GAP43: variants seen among roughly 807,000 people sequenced by gnomAD.
The protein encoded by GAP43 is growth associated protein 43, also known as neuromodulin.
Under a neutral mutation model 18.6 loss-of-function variants are expected in GAP43, and 6 were observed. That is an observed-to-expected ratio of 0.32 (90% CI 0.18 to 0.64). The LOEUF (loss-of-function observed/expected upper bound fraction) is 0.64, where lower values mean the gene tolerates loss of function less well. Ranked by LOEUF, GAP43 falls within the 30% of genes least tolerant of loss-of-function variation. The pLI, the probability that GAP43 is intolerant of heterozygous loss-of-function variation, is 0.78. For missense variants in GAP43, 292 were observed against 295.5 expected (o/e 0.99, Z 0.09); for synonymous variants, 115 against 111.4 (o/e 1.03, Z -0.20).
intron 1 of GAP43, among the ~76,000 whole-genome samples, chr3:115,625,681 A>G (rs2107462252): frequency 6.6e-6 from 1 of 152,330 alleles, no homozygotes; most frequent in East Asian, 1.9e-4. Flanking sequence ...TTAGGGCTAA[A>G]GGAATTCCCT....
chr3:115,666,116 C>T (rs1291380785), intron 1 of GAP43, among the ~76,000 whole-genome samples: 1 of 151,850 alleles, frequency 6.6e-6, no homozygotes, highest in East Asian at 1.9e-4. Flanking sequence ...TAAGCTCCTA[C>T]ACTAGGTGAA....
At chr3:115,659,725 T>C (rs1708633597) in intron 1 of GAP43, among the ~76,000 whole-genome samples, 1 of 152,114 alleles carries the variant, frequency 6.6e-6, no homozygotes, top group South Asian at 2.1e-4. Flanking sequence ...CCCACGAGGG[T>C]AGACGAGCTG....
intron 1 of GAP43, among the ~76,000 whole-genome samples, chr3:115,631,868 A>C (rs555068172): frequency 6.6e-6 from 1 of 151,964 alleles, no homozygotes; most frequent in African/African-American, 2.4e-5. Context: ...TGATCCACCC[A>C]CCTCGGCCTC....
intron 2 of GAP43, among the ~76,000 whole-genome samples, chr3:115,704,288 G>T (rs1284193462): frequency 6.6e-6 from 1 of 152,014 alleles, no homozygotes; most frequent in Non-Finnish European, 1.5e-5. Flanking sequence ...TCAGGATAGT[G>T]CAACGATCTC....
At chr3:115,703,840 T>C (rs1709326465) in intron 2 of GAP43, among the ~76,000 whole-genome samples, 1 of 152,130 alleles carries the variant, frequency 6.6e-6, no homozygotes, top group South Asian at 2.1e-4. Context: ...ATTGTTATAG[T>C]GTTCCCAAAT....
At chr3:115,652,790 A>G (rs1369060835) in intron 1 of GAP43, among the ~76,000 whole-genome samples, 2 of 152,208 alleles carry the variant, frequency 1.3e-5, no homozygotes, top group African/African-American at 4.8e-5. Flanking sequence ...GGGTTGACAG[A>G]TTTTGATGAA....
chr3:115,676,645 A>C, intron 2 of GAP43, 35 bp downstream of exon 2: 1 of 1,518,402 alleles, frequency 6.6e-7, no homozygotes, highest in Non-Finnish European at 8.8e-7. Context: ...CAATGGGTGG[A>C]TGGGGAAGGG....
At chr3:115,700,675 A>G (rs192698324) in intron 2 of GAP43, among the ~76,000 whole-genome samples, 87 of 152,138 alleles carry the variant, frequency 5.7e-4, no homozygotes, top group African/African-American at 2.1e-3. Context: ...ATTTTCTCCC[A>G]CATCTAAATA....
intron 1 of GAP43, chr3:115,658,690 C>T (rs1164453170): frequency 6.6e-6 from 1 of 152,234 alleles, no homozygotes; most frequent in Non-Finnish European, 1.5e-5. Flanking sequence ...ACTCCGCAGA[C>T]CTCCGGGGAG....
intron 1 of GAP43, among the ~76,000 whole-genome samples, chr3:115,652,356 C>CT (rs71141831): frequency 0.014 from 599 of 43,752 alleles, 149 homozygotes; most frequent in African/African-American, 0.028. Flanking sequence ...ATCCAGCATT[C>CT]TTTTTTTTTT....
At position 115,633,250 on chromosome 3, in the gene GAP43, CAGAG is replaced by C. The variant is rs998022438; in HGVS notation, c.30+9541_30+9544del. On this transcript the variant is annotated intron_variant, in intron 1 of 2. Transcript: ENST00000305124. The stretch of plus-strand genomic sequence containing the variant: ...GGAGAGAGGGACAGAGGGAGAGAGA[CAGAG>C]AGAGAGAGAATGAGGATGAATGAAT... Among the ~76,000 whole-genome samples, 9 of 151,414 alleles carry C rather than the reference CAGAG, an allele frequency of 5.9e-5. 1 individual carries two copies. Among genetic ancestry groups the C allele is most frequent in the African/African-American group, 1.9e-4 (8 of 41,342 alleles).
chr3:115,698,139 TA>T (rs1709234439), intron 2 of GAP43, among the ~76,000 whole-genome samples: 4 of 14,618 alleles, frequency 2.7e-4, no homozygotes, highest in Non-Finnish European at 5.0e-4. Context: ...ATAATATATA[TA>T]ATATATATTA....
chr3:115,697,240 T>A (rs1290865255), intron 2 of GAP43, among the ~76,000 whole-genome samples: 1 of 152,174 alleles, frequency 6.6e-6, no homozygotes, highest in East Asian at 1.9e-4. Context: ...ATTTTTTGTT[T>A]TATTATTATT....
chr3:115,689,455 G>T (rs1489195972), intron 2 of GAP43, among the ~76,000 whole-genome samples: 1 of 152,154 alleles, frequency 6.6e-6, no homozygotes, highest in East Asian at 1.9e-4. Flanking sequence ...GAAAGGGAAA[G>T]AACCATTTAA....
intron 1 of GAP43, among the ~76,000 whole-genome samples, chr3:115,661,581 C>G (rs1057188715): frequency 6.6e-6 from 1 of 152,076 alleles, no homozygotes; most frequent in East Asian, 1.9e-4. Context: ...CTCTGCCTCC[C>G]GGGTTCACGC....
chr3:115,711,248 G>A (rs138527425), intron 2 of GAP43, among the ~76,000 whole-genome samples: 43 of 152,178 alleles, frequency 2.8e-4, no homozygotes, highest in Admixed American at 4.6e-4. Flanking sequence ...GTGTGTGCAC[G>A]TGCACGCATG....
intron 1 of GAP43, among the ~76,000 whole-genome samples, chr3:115,633,670 C>G (rs987234856): frequency 2.0e-4 from 30 of 152,144 alleles, no homozygotes; most frequent in African/African-American, 7.0e-4. Context: ...AGCAAATCTC[C>G]GTACCAGTTT....
intron 2 of GAP43, among the ~76,000 whole-genome samples, chr3:115,678,690 T>G (rs1708922986): frequency 6.6e-6 from 1 of 152,158 alleles, no homozygotes; most frequent in African/African-American, 2.4e-5. Flanking sequence ...TTCTCTGCCT[T>G]AAATGTTACA....
chr3:115,717,670 T>C (rs1385733512), intron 2 of GAP43, among the ~76,000 whole-genome samples: 6 of 98,694 alleles, frequency 6.1e-5, no homozygotes, highest in Non-Finnish European at 1.3e-4. Flanking sequence ...AGGATTTTGC[T>C]TTTTTTTTTT....
Sources: allele counts gnomAD v4.1 joint callset (sites outside exome capture counted in the v4.1 genomes callset), GRCh38; gene constraint gnomAD v4.1.1; transcripts MANE v1.5; gene names NCBI Gene and HGNC (gene_info 2026-07-23, HGNC 2026-07-21).